CHODL: variants seen among roughly 807,000 people sequenced by gnomAD.
The protein encoded by CHODL is transmembrane protein MT75.
CHODL carries 29 observed loss-of-function variants against 34.5 expected under a neutral mutation model. The ratio of observed to expected loss-of-function variants is 0.84; its 90% confidence interval spans 0.63 to 1.15. The LOEUF (loss-of-function observed/expected upper bound fraction) is 1.15. CHODL is among the 50% of genes most tolerant of loss of function. CHODL has a pLI of 0.00. For missense variants in CHODL, 332 were observed against 332.5 expected (o/e 1.00, Z 0.01); for synonymous variants, 125 against 116.1 (o/e 1.08, Z -0.49).
At chr21:17,988,220 C>T (rs1293540043) in intron 1 of CHODL, among the ~76,000 whole-genome samples, 2 of 152,040 alleles carry the variant, frequency 1.3e-5, no homozygotes, top group African/African-American at 4.8e-5. Context: ...AGAAATGACT[C>T]ACATTGAGGA....
rs56091373 is a variant in CHODL at position 18,205,737 on chromosome 21, C to CT, written c.-44-50755dup. 6.5e-4 allele frequency among the ~76,000 whole-genome samples: 83 copies of CT among 127,146 alleles called. 1 individual carries two copies. Among genetic ancestry groups the CT allele is most frequent in the African/African-American group, 1.3e-3 (46 of 34,972 alleles). The allele number at this position is 127,146 out of a possible 152,430, so 83.4% of individuals were successfully genotyped here. A position where few individuals can be genotyped will look rare whatever the true frequency, so the allele number is the denominator to read the frequency against. ...GACCTACTAATCATTAAGGAGTATA[C>CT]TTTTTTTTTTTTTTTTTGAGATAGA... is the stretch of plus-strand genomic sequence containing the variant. On this transcript the variant is annotated intron_variant, in intron 2 of 6. Transcript: ENST00000400127.
intron 2 of CHODL, among the ~76,000 whole-genome samples, chr21:18,195,139 C>T (rs565320091): frequency 5.3e-5 from 8 of 152,190 alleles, no homozygotes; most frequent in Non-Finnish European, 1.5e-5. Context: ...ACTGCAGGCT[C>T]TGCCTCCCAG....
chr21:18,249,032 T>C (rs1163121512), intron 1 of CHODL, among the ~76,000 whole-genome samples: 2 of 120,190 alleles, frequency 1.7e-5, no homozygotes, highest in African/African-American at 6.8e-5. Flanking sequence ...ATAATATTAA[T>C]ATATATAATA....
rs1227088629 is a variant in CHODL at position 18,192,724 on chromosome 21, A to C, written c.-44-63785A>C. Among the ~76,000 whole-genome samples, 7 of 152,268 alleles carry C rather than the reference A, an allele frequency of 4.6e-5. No homozygotes were observed. In the South Asian group the frequency reaches 1.2e-3, roughly 27 times the overall value. ...CTTTATTATTCAACATGGTCAATAAAATTTTATTTATGTAAATAAAATTAT... is the reference window on the plus strand; with the variant it reads ...CTTTATTATTCAACATGGTCAATAACATTTTATTTATGTAAATAAAATTAT... On this transcript the variant is annotated intron_variant, in intron 2 of 6. Coordinates refer to the CHODL transcript ENST00000400127.
At chr21:18,116,414 C>A (rs903155616) in intron 2 of CHODL, among the ~76,000 whole-genome samples, 1 of 152,166 alleles carries the variant, frequency 6.6e-6, no homozygotes, top group South Asian at 2.1e-4. Flanking sequence ...GTCACCAGGT[C>A]TTACTGTTTC....
intron 1 of CHODL, among the ~76,000 whole-genome samples, chr21:17,938,634 G>A (rs1002717218): frequency 4.6e-5 from 7 of 151,640 alleles, no homozygotes; most frequent in East Asian, 3.9e-4. Flanking sequence ...GCCCGCCACC[G>A]CGCCTGGCTA....
rs550707824 is a variant in CHODL at position 18,097,370 on chromosome 21, T to G, written c.-45+69399T>G. Among the ~76,000 whole-genome samples, 10 of 152,182 alleles carry G rather than the reference T, an allele frequency of 6.6e-5. No homozygotes were observed. The East Asian group carries it at 1.7e-3, about 26-fold the overall frequency. On this transcript the variant is annotated intron_variant, in intron 2 of 6. Transcript: ENST00000400127. Reference sequence around the variant, plus strand: ...ATTAAAACTGGTAAAACAAATTGAGTAAAGTTGCAGGATATAAAATCAATA... The same window carrying G: ...ATTAAAACTGGTAAAACAAATTGAGGAAAGTTGCAGGATATAAAATCAATA...
chr21:18,231,683 A>C (rs2073980368), intron 2 of CHODL, among the ~76,000 whole-genome samples: 1 of 152,002 alleles, frequency 6.6e-6, no homozygotes, highest in Non-Finnish European at 1.5e-5. Context: ...TAAAGTGCAA[A>C]AGTCATCCAG....
At chr21:18,184,628 T>C (rs972030718) in intron 2 of CHODL, among the ~76,000 whole-genome samples, 5 of 152,210 alleles carry the variant, frequency 3.3e-5, no homozygotes, top group Admixed American at 1.3e-4. Flanking sequence ...TCATCAGGGC[T>C]GGACAATGCC....
At chr21:18,197,691 G>C (rs1221631990) in intron 2 of CHODL, among the ~76,000 whole-genome samples, 1 of 152,198 alleles carries the variant, frequency 6.6e-6, no homozygotes, top group Non-Finnish European at 1.5e-5. Context: ...GATGAGGTTT[G>C]AAGAGTAAAA....
chr21:18,233,972 A>G (rs1389468789), intron 2 of CHODL, among the ~76,000 whole-genome samples: 1 of 152,138 alleles, frequency 6.6e-6, no homozygotes, highest in African/African-American at 2.4e-5. Context: ...GATATTCCAG[A>G]TTATATTATT....
intron 2 of CHODL, among the ~76,000 whole-genome samples, chr21:18,074,348 G>T (rs2064839962): frequency 6.6e-6 from 1 of 152,148 alleles, no homozygotes; most frequent in Non-Finnish European, 1.5e-5. Context: ...AATAGTCTTG[G>T]ATATGGGGCA....
At chr21:17,993,615 C>T (rs1447147571) in intron 1 of CHODL, among the ~76,000 whole-genome samples, 1 of 152,282 alleles carries the variant, frequency 6.6e-6, no homozygotes, top group African/African-American at 2.4e-5. Context: ...TCCAGTCTAT[C>T]ATTGATGGGC....
At chr21:18,233,585 T>A (rs2074002352) in intron 2 of CHODL, among the ~76,000 whole-genome samples, 2 of 152,236 alleles carry the variant, frequency 1.3e-5, no homozygotes, top group South Asian at 4.1e-4. Flanking sequence ...TCCCAGAGTT[T>A]TCGATAACAT....
At chr21:18,204,942 G>A (rs2073695862) in intron 2 of CHODL, among the ~76,000 whole-genome samples, 1 of 152,156 alleles carries the variant, frequency 6.6e-6, no homozygotes, top group African/African-American at 2.4e-5. Flanking sequence ...AAACTCTAGT[G>A]TCACGTATAT....
At chr21:18,169,159 T>C (rs1307905047) in intron 2 of CHODL, among the ~76,000 whole-genome samples, 1 of 152,136 alleles carries the variant, frequency 6.6e-6, no homozygotes, top group Non-Finnish European at 1.5e-5. Context: ...TGCTTTTCTT[T>C]GTAAAAAATT....
In CHODL at chr21:17,992,737, TTTTTTTC is replaced by T. The variant is rs1568834306; in HGVS notation, c.-144-35134_-144-35128del. Among the ~76,000 whole-genome samples, 16 of 49,348 alleles carry T rather than the reference TTTTTTTC, an allele frequency of 3.2e-4. 1 individual carries two copies. Among genetic ancestry groups the T allele is most frequent in the Non-Finnish European group, 5.0e-4 (9 of 17,882 alleles). 32.4% of individuals were successfully genotyped at this position (49,348 alleles called of 152,430 possible). On this transcript the variant is annotated intron_variant, in intron 1 of 6. Transcript: ENST00000400127. ...GGAGTTGTTTTTTTTTTTTTTTTTT[TTTTTTTC>T]CAGACAGAGTTTCACTTCTGTTGCT...
At chr21:18,041,150 C>T (rs1437824318) in intron 2 of CHODL, among the ~76,000 whole-genome samples, 1 of 151,820 alleles carries the variant, frequency 6.6e-6, no homozygotes, top group East Asian at 1.9e-4. Context: ...TTTGGTTGGA[C>T]CTATGAAAGT....
chr21:18,103,370 C>T (rs534266272), intron 2 of CHODL, among the ~76,000 whole-genome samples: 5 of 152,266 alleles, frequency 3.3e-5, no homozygotes, highest in African/African-American at 1.2e-4. Context: ...TTAAAACAAT[C>T]AGAGTTTGAC....
Sources: allele counts gnomAD v4.1 joint callset (sites outside exome capture counted in the v4.1 genomes callset), GRCh38; gene constraint gnomAD v4.1.1; transcripts MANE v1.5; gene names NCBI Gene and HGNC (gene_info 2026-07-23, HGNC 2026-07-21).